The following BANP variants were observed in gnomAD, a reference collection of about 807,000 sequenced individuals.
BANP encodes the protein protein BANP.
Under a neutral mutation model 68.1 loss-of-function variants are expected in BANP, and 11 were observed. The ratio of observed to expected loss-of-function variants is 0.16; its 90% CI spans 0.10 to 0.27. BANP has a LOEUF of 0.27. BANP is among the 10% of genes least tolerant of loss of function. The pLI is 1.00. For missense variants in BANP, 504 were observed against 722.7 expected, an observed-to-expected ratio of 0.70 and a Z score of 3.47; for synonymous variants, 329 against 303.2, an observed-to-expected ratio of 1.09 and a Z score of -0.88.
At chr16:87,979,779 A>G (rs4843291) in intron 2 of BANP, among the ~76,000 whole-genome samples, 53,012 of 152,092 alleles carry the variant, frequency 0.35, 10,555 homozygotes, top group Non-Finnish European at 0.47. Flanking sequence ...ATATACTGGC[A>G]TTCATTTTTG....
intron 8 of BANP, among the ~76,000 whole-genome samples, chr16:88,032,219 C>T (rs1358359747): frequency 5.9e-5 from 9 of 152,006 alleles, no homozygotes; most frequent in South Asian, 2.1e-4. Context: ...CCTGTACCCC[C>T]GAGATGGAGT....
chr16:88,021,162 G>T (rs1264510800), intron 7 of BANP, among the ~76,000 whole-genome samples: 2 of 152,204 alleles, frequency 1.3e-5, no homozygotes, highest in African/African-American at 4.8e-5. Flanking sequence ...CTGGCTTCGG[G>T]GCCATCCTCC....
intron 8 of BANP, among the ~76,000 whole-genome samples, chr16:88,032,732 T>G (rs1174726387): frequency 6.6e-6 from 1 of 152,246 alleles, no homozygotes; most frequent in African/African-American, 2.4e-5. Flanking sequence ...AAATGTATCT[T>G]TAAGTGTGCG....
chr16:87,952,865 C>T (rs1305522661), intron 1 of BANP: 1 of 152,180 alleles, frequency 6.6e-6, no homozygotes, highest in East Asian at 1.9e-4. Context: ...GCCTCGGCCT[C>T]CCTGGCTCAA....
intron 1 of BANP, among the ~76,000 whole-genome samples, chr16:87,961,989 C>T (rs564956788): frequency 4.9e-4 from 74 of 152,202 alleles, no homozygotes; most frequent in African/African-American, 1.4e-3. Flanking sequence ...CCTGTAATCC[C>T]AGCACTTTGG....
At chr16:87,987,411 G>T (rs2064719679) in intron 4 of BANP, among the ~76,000 whole-genome samples, 1 of 152,052 alleles carries the variant, frequency 6.6e-6, no homozygotes, top group Non-Finnish European at 1.5e-5. Flanking sequence ...AGTTTTAAAT[G>T]TGGTATATTT....
At chr16:88,016,451 T>A (rs2074573369) in intron 6 of BANP, among the ~76,000 whole-genome samples, 1 of 152,202 alleles carries the variant, frequency 6.6e-6, no homozygotes, top group African/African-American at 2.4e-5. Context: ...ACGTCCCCTC[T>A]GTTTCCCCTT....
At chr16:87,968,489 A>AG (rs1420350315) in intron 1 of BANP, among the ~76,000 whole-genome samples, 1 of 151,698 alleles carries the variant, frequency 6.6e-6, no homozygotes. Flanking sequence ...TGTCTCAAAA[A>AG]AAAAAAAAAT....
At chr16:88,027,028 G>A (rs1259896593) in intron 7 of BANP, among the ~76,000 whole-genome samples, 2 of 152,248 alleles carry the variant, frequency 1.3e-5, no homozygotes, top group African/African-American at 2.4e-5. Context: ...GGCGGTGGCC[G>A]AGCAGGCCCG....
At chr16:87,955,785 C>T (rs1282189257) in intron 1 of BANP, among the ~76,000 whole-genome samples, 2 of 152,176 alleles carry the variant, frequency 1.3e-5, no homozygotes, top group Non-Finnish European at 2.9e-5. Context: ...AAGACGTTGA[C>T]ACCAAGGACC....
intron 12 of BANP, among the ~76,000 whole-genome samples, chr16:88,067,183 C>A (rs528289534): frequency 6.6e-6 from 1 of 152,328 alleles, no homozygotes; most frequent in East Asian, 1.9e-4. Context: ...GCCTGCCACT[C>A]AGTGTGTTCT....
chr16:88,040,463 C>G (rs1042512551), intron 11 of BANP, among the ~76,000 whole-genome samples: 1 of 152,096 alleles, frequency 6.6e-6, no homozygotes, highest in Non-Finnish European at 1.5e-5. Context: ...ATTCGCTCTC[C>G]TCCCCGTCCC....
At chr16:88,059,776 G>A (rs556763171) in intron 11 of BANP, among the ~76,000 whole-genome samples, 32 of 152,332 alleles carry the variant, frequency 2.1e-4, no homozygotes, top group African/African-American at 7.0e-4. Flanking sequence ...TGTCGGACGC[G>A]ACACATGCCA....
At chr16:88,016,797 G>A (rs927194675) in intron 6 of BANP, among the ~76,000 whole-genome samples, 11 of 152,184 alleles carry the variant, frequency 7.2e-5, no homozygotes, top group East Asian at 1.9e-4. Context: ...ACGTCTGAGC[G>A]TACGTTCCTG....
chr16:88,033,538 C>T (rs2152743879), intron 9 of BANP, among the ~76,000 whole-genome samples: 1 of 152,316 alleles, frequency 6.6e-6, no homozygotes, highest in Non-Finnish European at 1.5e-5. Flanking sequence ...CTCCAAGGGT[C>T]AGGCCGTGCG....
chr16:88,025,701 C>T (rs1187557090), intron 7 of BANP, among the ~76,000 whole-genome samples: 2 of 152,090 alleles, frequency 1.3e-5, no homozygotes, highest in African/African-American at 4.8e-5. Flanking sequence ...GATACCTAAT[C>T]GAGTACTTAA....
Position 87,979,658 on chromosome 16 carries a change from A to G in BANP, c.71-1378A>G, listed in dbSNP as rs73242947. ...AAGCAGATGGTGTGCCAAGGTGTGCATGTGCTGAAGGGCATTCCCAGCGGC... is the reference window on the plus strand; with the variant it reads ...AAGCAGATGGTGTGCCAAGGTGTGCGTGTGCTGAAGGGCATTCCCAGCGGC... On this transcript the variant is annotated intron_variant, in intron 2 of 13. Transcript: ENST00000682872. Among the ~76,000 whole-genome samples, 823 of 152,292 alleles carry G rather than the reference A, an allele frequency of 5.4e-3. 11 individuals are homozygous for G. Among genetic ancestry groups the G allele is most frequent in the African/African-American group, 0.019 (775 of 41,566 alleles).
chr16:88,075,463 A>G (rs1159082769), intron 13 of BANP, among the ~76,000 whole-genome samples: 1 of 152,144 alleles, frequency 6.6e-6, no homozygotes, highest in African/African-American at 2.4e-5. Flanking sequence ...TGCTTGCACT[A>G]CTGCACTCCA....
chr16:87,962,619 G>A (rs369009492), intron 1 of BANP, among the ~76,000 whole-genome samples: 1 of 152,166 alleles, frequency 6.6e-6, no homozygotes. Context: ...TTTGGAATTT[G>A]ACCACTTACT....
Sources: gnomAD v4.1 joint callset for allele counts (sites outside exome capture counted in the v4.1 genomes callset) on GRCh38, gnomAD v4.1.1 for gene constraint, MANE v1.5 for transcripts, NCBI Gene and HGNC (gene_info 2026-07-23, HGNC 2026-07-21) for gene names.